Variants in ZFP69B observed in about 807,000 individuals in gnomAD.
ZFP69B encodes the protein ZFP69 zinc finger protein B, also known as zinc finger protein 69 homolog B.
Under a neutral mutation model 19.7 loss-of-function variants are expected in ZFP69B, and 20 were observed. The observed-to-expected ratio is 1.02, with a 90% CI of 0.71 to 1.48. ZFP69B has a LOEUF of 1.48. Ranked by LOEUF, ZFP69B falls within the 40% of genes most tolerant of loss-of-function variation. ZFP69B has a pLI of 0.00. For synonymous variants in ZFP69B, 220 were observed against 222.7 expected, an observed-to-expected ratio of 0.99 and a Z score of 0.11; for missense variants, 583 against 632.6, an observed-to-expected ratio of 0.92 and a Z score of 0.84.
At position 40,463,668 on chromosome 1, in the gene ZFP69B, T is replaced by G; in HGVS notation, c.*79T>G. On this transcript the variant is annotated 3_prime_UTR_variant, in exon 5 of 5. Transcript: ENST00000361584. Reference sequence around the variant, plus strand: ...GTTCCCTGATCCCTCAAAAATCCATTTGTTTTTGGATTTCCAAAAACGAAC... The same window carrying G: ...GTTCCCTGATCCCTCAAAAATCCATGTGTTTTTGGATTTCCAAAAACGAAC... 7.4e-7 allele frequency: 1 copy of G among 1,352,132 alleles called. No homozygotes were observed. Among genetic ancestry groups the G allele is most frequent in the Non-Finnish European group, 1.0e-6 (1 of 1,003,638 alleles). The allele number at this position is 1,352,132 out of a possible 1,614,324, so 83.8% of individuals were successfully genotyped here.
At chr1:40,454,022 T>C (rs999753820) in intron 1 of ZFP69B, among the ~76,000 whole-genome samples, 181 bp from the exon 2 acceptor site, 9 of 152,176 alleles carry the variant, frequency 5.9e-5, no homozygotes, top group Non-Finnish European at 2.9e-5. Context: ...ATATTAATGG[T>C]GAAAGCAGCT....
In ZFP69B at chr1:40,462,775, T is replaced by TTTTTC; in HGVS notation, c.791_792insTTTTC (p.Asp265PhefsTer4). 6.2e-7 allele frequency: 1 copy of TTTTTC among 1,613,598 alleles called. No individual in the cohort carries two copies. The highest frequency in any genetic ancestry group is 8.5e-7 in the Non-Finnish European group (1 of 1,179,862). On this transcript the variant is annotated frameshift_variant, in exon 5 of 5. Transcript: ENST00000361584. LOFTEE classifies it low-confidence loss of function (END_TRUNC). ...CCTGGAAAGAGAAGCAGATACAACA[T>TTTTTC]AGATTTAGTTAATCATTCAAGGAGT...
In ZFP69B at chr1:40,452,840, G is replaced by A. The variant is rs560336370; in HGVS notation, c.128-1363G>A. 1.2e-3 allele frequency among the ~76,000 whole-genome samples: 188 copies of A among 152,310 alleles called. 1 individual carries two copies. Among genetic ancestry groups the A allele is most frequent in the Non-Finnish European group, 2.1e-3 (142 of 68,028 alleles). ...GACTTTGAAGTGCTTCAGAAAAAAT[G>A]TAGATAGGTAAAGCAAATATGGTAA... On this transcript the variant is annotated intron_variant, in intron 1 of 4. Coordinates refer to ENST00000361584, the MANE Select transcript of ZFP69B (RefSeq NM_023070.3).
intron 4 of ZFP69B, among the ~76,000 whole-genome samples, chr1:40,458,512 G>GTTTTTTT (rs11343581): frequency 2.2e-5 from 3 of 139,190 alleles, no homozygotes; most frequent in Non-Finnish European, 3.2e-5. Flanking sequence ...TGGAGAAATT[G>GTTTTTTT]TTTTTTTTTT....
Position 40,462,610 on chromosome 1 carries a change from T to A in ZFP69B, c.626T>A (p.Ile209Asn), listed in dbSNP as rs1052515651. 1.2e-6 allele frequency: 2 copies of A among 1,613,682 alleles called. No individual in the cohort carries two copies. Among genetic ancestry groups the A allele is most frequent in the African/African-American group, 2.7e-5 (2 of 74,816 alleles). ...QENQRMGKGQ[I>N]PLMCKKTFTQ... ...AACCAAAGAATGGGTAAGGGGCAAA[T>A]CCCCCTGATGTGCAAGAAAACATTC... is the stretch of plus-strand genomic sequence containing the variant. The change falls in exon 5 of 5, where the codon ATC becomes AAC. Residue 209 changes from isoleucine to asparagine, a missense_variant. Transcript: ENST00000361584.
Position 40,451,010 on chromosome 1 carries a change from G to C in ZFP69B, c.49G>C (p.Val17Leu). ...CCTGCCCACCGAGGCCAGCACCTGG[G>C]TGAAGTTGCGTCATCCAAAGGCGGC... The part of the protein sequence containing the change: ...ITLPTEASTW[V>L]KLRHPKAATE... The change falls in exon 1 of 5, where the codon GTG becomes CTG. Residue 17 changes from valine to leucine, a missense_variant. Coordinates refer to ENST00000361584, the MANE Select transcript of ZFP69B (RefSeq NM_023070.3). 1 of 1,551,466 alleles carries C rather than the reference G, an allele frequency of 6.4e-7. No homozygotes were observed. Among genetic ancestry groups the C allele is most frequent in the Non-Finnish European group, 8.7e-7 (1 of 1,146,996 alleles).
Position 40,463,657 on chromosome 1 carries a change from CA to C in ZFP69B, c.*73del. ...CTAAATCAGTGGTTCCCTGATCCCT[CA>C]AAAATCCATTTGTTTTTGGATTTCC... On this transcript the variant is annotated 3_prime_UTR_variant, in exon 5 of 5. Coordinates refer to ENST00000361584, the MANE Select transcript of ZFP69B (RefSeq NM_023070.3). 1 of 1,379,844 alleles carries C rather than the reference CA, an allele frequency of 7.2e-7. No homozygotes were observed. Among genetic ancestry groups the C allele is most frequent in the Non-Finnish European group, 9.8e-7 (1 of 1,025,552 alleles). The allele number at this position is 1,379,844 out of a possible 1,614,324, so 85.5% of individuals were successfully genotyped here.
rs760373365 is a variant in ZFP69B at position 40,457,367 on chromosome 1, G to C, written c.364G>C (p.Val122Leu). 2.5e-6 allele frequency: 4 copies of C among 1,614,132 alleles called. No homozygotes were observed. The highest frequency in any genetic ancestry group is 1.6e-4 in the Middle Eastern group (1 of 6,062). The change falls in exon 4 of 5, where the codon GTG (valine) becomes CTG (leucine). Residue 122 changes from valine (V) to leucine (L), a missense_variant. Val to Leu is a conservative substitution (Grantham distance 32, BLOSUM62 1). Transcript: ENST00000361584. Reference protein sequence around the residue: ...SVGCQLSKPGVISQLEKGEEP... With the variant: ...SVGCQLSKPGLISQLEKGEEP... ...AGGATGTCAGCTTTCCAAACCTGGC[G>C]TGATTTCCCAGTTGGAGAAAGGAGA...
chr1:40,452,807 A>G (rs1276198286), intron 1 of ZFP69B, among the ~76,000 whole-genome samples: 1 of 152,234 alleles, frequency 6.6e-6, no homozygotes, highest in African/African-American at 2.4e-5. Context: ...AAGTATTATG[A>G]TGCAGACGAC....
At chr1:40,454,147 TC>T in intron 1 of ZFP69B, 55 bp from the exon 2 acceptor site, 1 of 1,410,658 alleles carries the variant, frequency 7.1e-7, no homozygotes, top group South Asian at 1.5e-5. Context: ...GTAGGCAGTT[TC>T]TCTGTTTGGG....
chr1:40,452,306 C>T (rs1485102621), intron 1 of ZFP69B, among the ~76,000 whole-genome samples: 4 of 152,298 alleles, frequency 2.6e-5, no homozygotes, highest in Middle Eastern at 3.4e-3. Context: ...GTGGTGGTCA[C>T]AGTTTTAATC....
chr1:40,458,218 A>T (rs958721137), intron 4 of ZFP69B, among the ~76,000 whole-genome samples: 1 of 152,198 alleles, frequency 6.6e-6, no homozygotes, highest in South Asian at 2.1e-4. Flanking sequence ...GTGTGTTCTT[A>T]TGGCACTATT....
chr1:40,454,099 G>T, intron 1 of ZFP69B, 104 bp from the exon 2 acceptor site: 1 of 749,268 alleles, frequency 1.3e-6, no homozygotes, highest in Non-Finnish European at 2.0e-6. Flanking sequence ...GTCCCTGTTT[G>T]TGAACGTTTT....
At chr1:40,458,991 T>C (rs1645258937) in intron 4 of ZFP69B, among the ~76,000 whole-genome samples, 2 of 152,014 alleles carry the variant, frequency 1.3e-5, no homozygotes, top group South Asian at 4.1e-4. Flanking sequence ...ATTTGGGAGG[T>C]TTTTATGGGC....
chr1:40,454,109 T>C (rs1018273795), intron 1 of ZFP69B, 94 bp from the exon 2 acceptor site: 3 of 916,156 alleles, frequency 3.3e-6, no homozygotes, highest in Admixed American at 3.0e-5. Flanking sequence ...GTGAACGTTT[T>C]TGGGGAGAAG....
At position 40,463,152 on chromosome 1, in the gene ZFP69B, C is replaced by T; in HGVS notation, c.1168C>T (p.Pro390Ser). 1.2e-6 allele frequency: 2 copies of T among 1,614,102 alleles called. No homozygotes were observed. The highest frequency in any genetic ancestry group is 1.3e-5 in the African/African-American group (1 of 75,016). Reference sequence around the variant, plus strand: ...TTTGAGAACTCATGTTAGAGAGAAACCTTTTACATGCAAAGACTGTGGAAA... The same window carrying T: ...TTTGAGAACTCATGTTAGAGAGAAATCTTTTACATGCAAAGACTGTGGAAA... ...QHLRTHVREK[P>S]FTCKDCGKAF... The change falls in exon 5 of 5, where the codon CCT becomes TCT. Residue 390 changes from proline (P) to serine (S), a missense_variant. Transcript: ENST00000361584.
In ZFP69B at chr1:40,462,473, G is replaced by A. The variant is rs61740805; in HGVS notation, c.489G>A (p.Ser163=). The change falls in exon 5 of 5, where the codon TCG becomes TCA. Residue 163 remains serine, a synonymous_variant. Transcript: ENST00000361584. Reference sequence around the variant, plus strand: ...AGTCAGCCTTACAGAATGATATTTCGTGGGAAGAACTACATTGTGGCCTAA... The same window carrying A: ...AGTCAGCCTTACAGAATGATATTTCATGGGAAGAACTACATTGTGGCCTAA... ...TKESALQNDI[S]WEELHCGLMM... is the part of the protein sequence containing the mutation. 0.042 allele frequency: 67,196 copies of A among 1,611,882 alleles called. 1,557 individuals carry two copies. Among genetic ancestry groups the A allele is most frequent in the Middle Eastern group, 0.061 (370 of 6,052 alleles).
At chr1:40,451,156 C>G (rs756473996) in intron 1 of ZFP69B, 68 bp downstream of exon 1, 44 of 1,420,722 alleles carry the variant, frequency 3.1e-5, no homozygotes, top group Non-Finnish European at 4.0e-5. Context: ...GAATGAGTCA[C>G]TTGAGTGGAA....
rs1475551715 is a variant in ZFP69B at position 40,462,688 on chromosome 1, A to C, written c.704A>C (p.Lys235Thr). The C allele has an allele frequency of 1.2e-6, 2 of 1,614,144 alleles. No individual in the cohort carries two copies. The highest frequency in any genetic ancestry group is 1.7e-6 in the Non-Finnish European group (2 of 1,180,012). Residue 235 changes from lysine (K) to threonine (T), a missense_variant, in exon 5 of 5, where the codon AAG (lysine) becomes ACG (threonine). Lys to Thr is a moderately conservative substitution (Grantham distance 78). Coordinates refer to ENST00000361584, the MANE Select transcript of ZFP69B (RefSeq NM_023070.3). ...SNRFEKRINVKSEVMPGPIGL... is the reference protein window; with the variant it reads ...SNRFEKRINVTSEVMPGPIGL... ...AGATTTGAGAAAAGAATTAATGTGA[A>C]GTCAGAAGTTATGCCAGGACCAATA...
Sources: gnomAD v4.1 joint callset for allele counts (sites outside exome capture counted in the v4.1 genomes callset) on GRCh38, gnomAD v4.1.1 for gene constraint, MANE v1.5 for transcripts, NCBI Gene and HGNC (gene_info 2026-07-23, HGNC 2026-07-21) for gene names.